Variants in GPM6A observed in about 807,000 individuals in gnomAD.
The protein encoded by GPM6A is neuronal membrane glycoprotein M6-a.
GPM6A carries 7 observed loss-of-function variants against 32.1 expected under a neutral mutation model. The ratio of observed to expected loss-of-function variants is 0.22; its 90% CI spans 0.12 to 0.41. GPM6A has a LOEUF of 0.41. Ranked by LOEUF, GPM6A falls within the 10% of genes least tolerant of loss-of-function variation. The pLI is 1.00. For synonymous variants in GPM6A, 130 were observed against 123.4 expected (o/e 1.05, Z -0.35); for missense variants, 235 against 347.2 (o/e 0.68, Z 2.57).
At chr4:175,858,506 T>A (rs1579572761) in intron 1 of GPM6A, among the ~76,000 whole-genome samples, 1 of 148,290 alleles carries the variant, frequency 6.7e-6, no homozygotes, top group Admixed American at 6.8e-5. Context: ...CACTCCAGCC[T>A]GGGCGACAGA....
rs1740423761 is a variant in GPM6A, at chr4:175,633,675, T to C, written c.*1230A>G. On this transcript the variant is annotated 3_prime_UTR_variant, in exon 7 of 7. Coordinates refer to ENST00000393658, the MANE Select transcript of GPM6A (RefSeq NM_201591.3). ...AATTTGGTCCAATAATACTGATTGC[T>C]CTTTGTTAAAATTCCTTTGATACAG... The C allele has an allele frequency of 6.6e-6, 1 of 152,388 alleles. No homozygotes were observed. Among genetic ancestry groups the C allele is most frequent in the Non-Finnish European group, 1.5e-5 (1 of 67,908 alleles). The allele number at this position is 152,388 out of a possible 1,614,324, so 9.4% of individuals were successfully genotyped here.
chr4:175,711,868 C>T (rs886518480), intron 1 of GPM6A, among the ~76,000 whole-genome samples: 1 of 152,068 alleles, frequency 6.6e-6, no homozygotes, highest in Non-Finnish European at 1.5e-5. Flanking sequence ...ACTCATCACC[C>T]TTATATGTGT....
At chr4:175,640,610 C>T in intron 5 of GPM6A, 143 bp downstream of exon 5, 1 of 658,034 alleles carries the variant, frequency 1.5e-6, no homozygotes, top group South Asian at 1.7e-5. Context: ...CTCTACTCCT[C>T]CTGAATAACA....
intron 1 of GPM6A, among the ~76,000 whole-genome samples, chr4:175,755,882 G>C (rs1303642162): frequency 1.3e-5 from 2 of 152,136 alleles, no homozygotes; most frequent in Non-Finnish European, 2.9e-5. Context: ...AGGAGATTTG[G>C]AAAGAGTAAG....
chr4:175,753,425 G>C (rs1732412709), intron 1 of GPM6A, among the ~76,000 whole-genome samples: 1 of 152,022 alleles, frequency 6.6e-6, no homozygotes, highest in Non-Finnish European at 1.5e-5. Flanking sequence ...AAATATCAAA[G>C]CAAAATGGAC....
chr4:175,701,385 C>A (rs1408203907), intron 2 of GPM6A, among the ~76,000 whole-genome samples, 190 bp downstream of exon 2: 1 of 152,144 alleles, frequency 6.6e-6, no homozygotes, highest in East Asian at 1.9e-4. Context: ...GCCTCTGATC[C>A]TGTGCTACGT....
chr4:175,764,445 T>C (rs1012979704), intron 1 of GPM6A, among the ~76,000 whole-genome samples: 2 of 152,210 alleles, frequency 1.3e-5, no homozygotes, highest in African/African-American at 4.8e-5. Flanking sequence ...GTTTCTACTT[T>C]GTGGCTATGA....
chr4:175,944,823 A>C (rs1739534916), intron 1 of GPM6A, among the ~76,000 whole-genome samples: 3 of 152,068 alleles, frequency 2.0e-5, no homozygotes, highest in African/African-American at 7.2e-5. Context: ...AAACCAGCGC[A>C]ACACTATTCC....
At chr4:175,742,467 A>C (rs915530082) in intron 1 of GPM6A, among the ~76,000 whole-genome samples, 5 of 152,146 alleles carry the variant, frequency 3.3e-5, no homozygotes, top group African/African-American at 1.2e-4. Flanking sequence ...CCAAAAACTG[A>C]ATTATACTGT....
chr4:175,999,865 C>A (rs568233958), intron 1 of GPM6A, among the ~76,000 whole-genome samples: 5 of 152,308 alleles, frequency 3.3e-5, no homozygotes, highest in East Asian at 3.9e-4. Context: ...TCCCTACCAT[C>A]CCTACTACCA....
chr4:175,894,305 A>G (rs979081867), intron 1 of GPM6A, among the ~76,000 whole-genome samples: 2 of 152,186 alleles, frequency 1.3e-5, no homozygotes, highest in Non-Finnish European at 2.9e-5. Flanking sequence ...TACTAAGTCC[A>G]AGTGGGAAAT....
chr4:175,658,108 G>A (rs1425281924), intron 3 of GPM6A, among the ~76,000 whole-genome samples: 2 of 152,088 alleles, frequency 1.3e-5, no homozygotes, highest in Admixed American at 1.3e-4. Context: ...CTTTTTAAGT[G>A]ATTTGTTACG....
chr4:176,000,453 C>T (rs539346233), intron 1 of GPM6A, among the ~76,000 whole-genome samples: 1 of 152,172 alleles, frequency 6.6e-6, no homozygotes, highest in South Asian at 2.1e-4. Flanking sequence ...GAAGCAAAAT[C>T]CAGGACAAAT....
chr4:175,641,593 A>T (rs896738851), intron 4 of GPM6A: 1 of 152,194 alleles, frequency 6.6e-6, no homozygotes, highest in African/African-American at 2.4e-5. Context: ...CTAAACACAT[A>T]CAGGCATGAT....
intron 1 of GPM6A, chr4:175,806,873 T>C (rs1734716883): frequency 6.6e-6 from 1 of 152,228 alleles, no homozygotes; most frequent in South Asian, 2.1e-4. Context: ...AGCCTTGTTA[T>C]CCAAATGCAG....
At chr4:175,842,584 G>A (rs1469205744) in intron 1 of GPM6A, among the ~76,000 whole-genome samples, 1 of 152,076 alleles carries the variant, frequency 6.6e-6, no homozygotes, top group East Asian at 1.9e-4. Context: ...AGCTGAACAT[G>A]GTGACACACA....
chr4:175,687,772 C>A (rs77717683), intron 2 of GPM6A, among the ~76,000 whole-genome samples: 7,166 of 152,118 alleles, frequency 0.047, 198 homozygotes, highest in Non-Finnish European at 0.062. Flanking sequence ...TAGTGGCTGC[C>A]CAATTTTACA....
chr4:175,824,864 C>T (rs536791756), intron 1 of GPM6A, among the ~76,000 whole-genome samples: 34 of 152,184 alleles, frequency 2.2e-4, no homozygotes, highest in African/African-American at 7.9e-4. Flanking sequence ...TCTACAACTA[C>T]GAGGAAGCAA....
intron 1 of GPM6A, among the ~76,000 whole-genome samples, chr4:175,773,189 C>T (rs1255437174): frequency 1.3e-5 from 2 of 152,172 alleles, no homozygotes; most frequent in African/African-American, 4.8e-5. Flanking sequence ...AATGGTTTTT[C>T]AGAAGAACAA....
Sources: gnomAD v4.1 joint callset for allele counts (sites outside exome capture counted in the v4.1 genomes callset) on GRCh38, gnomAD v4.1.1 for gene constraint, MANE v1.5 for transcripts, NCBI Gene and HGNC (gene_info 2026-07-23, HGNC 2026-07-21) for gene names.